Variants in USP1 observed in about 807,000 individuals in gnomAD.
USP1 encodes the protein ubiquitin carboxyl-terminal hydrolase 1.
USP1 carries 18 observed loss-of-function variants against 72.2 expected under a neutral mutation model. The observed-to-expected ratio is 0.25, with a 90% CI of 0.17 to 0.37. The LOEUF is 0.37. Ranked by LOEUF, USP1 falls within the 10% of genes least tolerant of loss-of-function variation. The pLI is 1.00. For missense variants in USP1, 759 were observed against 884.9 expected, an observed-to-expected ratio of 0.86 and a Z score of 1.81; for synonymous variants, 354 against 303.7, an observed-to-expected ratio of 1.17 and a Z score of -1.72.
At chr1:62,439,346 G>A (rs1645116097) in intron 1 of USP1, among the ~76,000 whole-genome samples, 1 of 152,028 alleles carries the variant, frequency 6.6e-6, no homozygotes, top group African/African-American at 2.4e-5. Flanking sequence ...CAGCACGCCC[G>A]GCTAATTTTT....
At chr1:62,447,743 A>G (rs1439726017) in intron 7 of USP1, among the ~76,000 whole-genome samples, 2 of 152,126 alleles carry the variant, frequency 1.3e-5, no homozygotes, top group Non-Finnish European at 1.5e-5. Context: ...AAATGCTTTA[A>G]TAAGTGTACT....
chr1:62,450,178 G>T, intron 8 of USP1, 68 bp from the exon 9 acceptor site: 1 of 1,522,952 alleles, frequency 6.6e-7, no homozygotes, highest in Non-Finnish European at 8.8e-7. Context: ...CTTGGTTTCA[G>T]ATTGGGGTAT....
intron 5 of USP1, among the ~76,000 whole-genome samples, chr1:62,444,348 C>T (rs1645155147): frequency 6.6e-6 from 1 of 151,056 alleles, no homozygotes; most frequent in Non-Finnish European, 1.5e-5. Context: ...AGTTCTGTGA[C>T]CTTGGGCAAG....
Position 62,451,556 on chromosome 1 carries a change from T to G in USP1, c.*575T>G, listed in dbSNP as rs1645221306. ...ACAGTTCGCTTCTACACAAGAATTTTATATGTATTTATGAAGATGATTCTG... is the reference window on the plus strand; with the variant it reads ...ACAGTTCGCTTCTACACAAGAATTTGATATGTATTTATGAAGATGATTCTG... On this transcript the variant is annotated 3_prime_UTR_variant, in exon 9 of 9. Coordinates refer to ENST00000339950, the MANE Select transcript of USP1 (RefSeq NM_003368.5). The G allele has an allele frequency of 6.5e-6, 1 of 152,926 alleles. No homozygotes were observed. The highest frequency in any genetic ancestry group is 1.9e-4 in the East Asian group (1 of 5,192). The allele number at this position is 152,926 out of a possible 1,614,324, so 9.5% of individuals were successfully genotyped here.
chr1:62,444,640 T>C, intron 5 of USP1, 98 bp from the exon 6 acceptor site: 4 of 995,486 alleles, frequency 4.0e-6, no homozygotes, highest in Non-Finnish European at 4.1e-6. Flanking sequence ...AAAAATGAAA[T>C]AATTTATGAT....
intron 2 of USP1, among the ~76,000 whole-genome samples, chr1:62,440,643 T>G (rs1645126078): frequency 6.6e-6 from 1 of 152,166 alleles, no homozygotes; most frequent in Admixed American, 6.5e-5. Context: ...CTAAGGTGGA[T>G]TTGGTCCCAT....
chr1:62,441,635 A>G (rs1476035772), intron 3 of USP1, 27 bp downstream of exon 3: 3 of 1,599,904 alleles, frequency 1.9e-6, no homozygotes, highest in Middle Eastern at 3.4e-4. Flanking sequence ...GCTATATCAT[A>G]AAGCTTTAGT....
chr1:62,436,969 C>T, upstream of USP1: 1 of 396,494 alleles, frequency 2.5e-6, no homozygotes, highest in Non-Finnish European at 4.4e-6. Flanking sequence ...GAGACTGGAA[C>T]CGGCAATTTC....
At chr1:62,448,317 AAGT>A (rs1645190643) in intron 7 of USP1, 145 bp from the exon 8 acceptor site, 2 of 744,578 alleles carry the variant, frequency 2.7e-6, no homozygotes, top group South Asian at 1.9e-5. Context: ...GCACTTATGA[AAGT>A]AGTTTCTGAA....
chr1:62,443,535 A>G (rs936992905), intron 5 of USP1, among the ~76,000 whole-genome samples: 1 of 152,228 alleles, frequency 6.6e-6, no homozygotes, highest in Non-Finnish European at 1.5e-5. Context: ...GAGGCTTTTT[A>G]TAGTCATTCA....
At position 62,444,922 on chromosome 1, in the gene USP1, A is replaced by G. The variant is rs1402311961; in HGVS notation, c.742A>G (p.Ser248Gly). The G allele has an allele frequency of 1.9e-6, 3 of 1,613,706 alleles. No homozygotes were observed. In the Admixed American group the frequency reaches 5.0e-5, roughly 27 times the overall value. The part of the protein sequence containing the change: ...HPKEEMNGIN[S>G]IEMDSMRHSE... Reference sequence around the variant, plus strand: ...GAAAGAGGAAATGAATGGTATTAACAGCATAGAGATGGACAGTATGAGGCA... The same window carrying G: ...GAAAGAGGAAATGAATGGTATTAACGGCATAGAGATGGACAGTATGAGGCA... Residue 248 changes from serine to glycine, a missense_variant, in exon 6 of 9, where the codon AGC (serine) becomes GGC (glycine). This residue lies in a region of USP1 where 245 missense variants were observed against 240.7 expected (regional missense o/e 1.02). Coordinates refer to ENST00000339950, the MANE Select transcript of USP1 (RefSeq NM_003368.5).
At chr1:62,438,522 A>G (rs1305929631) in intron 1 of USP1, among the ~76,000 whole-genome samples, 1 of 152,198 alleles carries the variant, frequency 6.6e-6, no homozygotes, top group Non-Finnish European at 1.5e-5. Context: ...CTTATTAAGG[A>G]TGAAATTTGA....
At chr1:62,443,014 A>T (rs1645144372) in intron 4 of USP1, 145 bp from the exon 5 acceptor site, 2 of 877,548 alleles carry the variant, frequency 2.3e-6, no homozygotes, top group Admixed American at 6.6e-5. Flanking sequence ...AAAAAATAAA[A>T]AATAAGGCTT....
intron 8 of USP1, 74 bp from the exon 9 acceptor site, chr1:62,450,172 G>A (rs1645204128): frequency 3.3e-6 from 5 of 1,513,022 alleles, no homozygotes; most frequent in Middle Eastern, 1.8e-4. Context: ...TTTTTACTTG[G>A]TTTCAGATTG....
At chr1:62,443,399 C>T (rs954765906) in intron 5 of USP1, 80 bp downstream of exon 5, 19 of 1,390,628 alleles carry the variant, frequency 1.4e-5, no homozygotes, top group Non-Finnish European at 1.8e-5. Flanking sequence ...TGCGAAGAAA[C>T]AGGAATAAAG....
chr1:62,442,937 G>T (rs1437586690), intron 4 of USP1, among the ~76,000 whole-genome samples: 4 of 152,160 alleles, frequency 2.6e-5, no homozygotes, highest in Non-Finnish European at 5.9e-5. Context: ...AGGAGGTTGA[G>T]GCTCCAGTGA....
intron 6 of USP1, among the ~76,000 whole-genome samples, chr1:62,446,926 T>G (rs1213551142): frequency 1.3e-5 from 2 of 152,164 alleles, no homozygotes; most frequent in Non-Finnish European, 2.9e-5. Context: ...GCGATCCTCC[T>G]GCCTCAGCCT....
intron 6 of USP1, 33 bp from the exon 7 acceptor site, chr1:62,447,308 G>T: frequency 1.9e-6 from 3 of 1,595,968 alleles, no homozygotes; most frequent in Non-Finnish European, 2.6e-6. Flanking sequence ...AAACTAATCT[G>T]TATAGACTTA....
At chr1:62,437,815 A>C (rs1645101816) in intron 1 of USP1, among the ~76,000 whole-genome samples, 1 of 152,194 alleles carries the variant, frequency 6.6e-6, no homozygotes, top group Non-Finnish European at 1.5e-5. Flanking sequence ...ATTTTCTTTC[A>C]CTTACACTTT....
Sources: allele counts gnomAD v4.1 joint callset (sites outside exome capture counted in the v4.1 genomes callset), GRCh38; gene constraint gnomAD v4.1.1; regional missense constraint gnomAD v4.1.1; transcripts MANE v1.5; gene names NCBI Gene and HGNC (gene_info 2026-07-23, HGNC 2026-07-21).